PCDHA6: variants seen among roughly 807,000 people sequenced by gnomAD.
The protein encoded by PCDHA6 is protocadherin alpha 6, also known as protocadherin alpha-6.
A neutral mutation model predicts 60.3 loss-of-function variants in PCDHA6; 55 were observed. The ratio of observed to expected loss-of-function variants is 0.91; its 90% confidence interval spans 0.73 to 1.14. PCDHA6 has a LOEUF of 1.14. PCDHA6 is among the 50% of genes most tolerant of loss of function. PCDHA6 has a pLI of 0.00. For synonymous variants in PCDHA6, 652 were observed against 557.9 expected, an observed-to-expected ratio of 1.17 and a Z score of -2.38; for missense variants, 1,327 against 1,256.5, an observed-to-expected ratio of 1.06 and a Z score of -0.85.
At position 140,882,350 on chromosome 5, in the gene PCDHA6, A is replaced by G. The variant is rs782733540; in HGVS notation, c.2394+51865A>G. ...GATCCTCGCAGCCTGGGAGACGGGT[A>G]GTGGCCAGCTCCACTACTCCGTCCC... is the stretch of plus-strand genomic sequence containing the variant. On this transcript the variant is annotated intron_variant, in intron 1 of 3. Transcript: ENST00000529310. The G allele has an allele frequency of 1.9e-6, 3 of 1,614,176 alleles. No individual in the cohort carries two copies. In the Admixed American group the frequency reaches 5.0e-5, roughly 27 times the overall value.
intron 1 of PCDHA6, chr5:140,836,027 C>G: frequency 6.2e-7 from 1 of 1,613,456 alleles, no homozygotes; most frequent in Non-Finnish European, 8.5e-7. Context: ...TGGGCAGCAA[C>G]GTGACGCTGC....
chr5:140,869,192 A>T (rs782002128), intron 1 of PCDHA6: 2 of 1,613,882 alleles, frequency 1.2e-6, no homozygotes, highest in East Asian at 4.5e-5. Flanking sequence ...GGGAGCGGCC[A>T]GCTCCACTAC....
chr5:140,889,388 A>C (rs1554183883), intron 1 of PCDHA6, among the ~76,000 whole-genome samples: 1 of 152,070 alleles, frequency 6.6e-6, no homozygotes, highest in African/African-American at 2.4e-5. Context: ...AGGACCATTC[A>C]GAGTTTAATT....
intron 1 of PCDHA6, among the ~76,000 whole-genome samples, chr5:140,945,463 A>G (rs1554216960): frequency 6.6e-6 from 1 of 152,166 alleles, no homozygotes; most frequent in African/African-American, 2.4e-5. Flanking sequence ...TAAAATTTGC[A>G]TGGAACCACA....
Position 140,829,888 on chromosome 5 carries a change from C to T in PCDHA6, c.1797C>T (p.Ala599=), listed in dbSNP as rs150204488. The T allele has an allele frequency of 3.2e-4, 519 of 1,613,790 alleles. No individual in the cohort carries two copies. Among genetic ancestry groups the T allele is most frequent in the Non-Finnish European group, 4.2e-4 (500 of 1,179,892 alleles). ...TGGCGAAGGTGCGCGCAGTTGACGCCGACTCAGGCTACAACGCGTGGCTTT... is the reference window on the plus strand; with the variant it reads ...TGGCGAAGGTGCGCGCAGTTGACGCTGACTCAGGCTACAACGCGTGGCTTT... The part of the protein sequence containing the change: ...QVVAKVRAVD[A]DSGYNAWLSY... The change falls in exon 1 of 4, where the codon GCC becomes GCT. Residue 599 remains alanine (A), a synonymous_variant. Transcript: ENST00000529310.
At position 140,889,293 on chromosome 5, in the gene PCDHA6, T is replaced by C. The variant is rs1051889855; in HGVS notation, c.2394+58808T>C. 3.3e-5 allele frequency among the ~76,000 whole-genome samples: 5 copies of C among 152,196 alleles called. No individual in the cohort carries two copies. The South Asian group carries it at 6.2e-4, about 19-fold the overall frequency. The stretch of plus-strand genomic sequence containing the variant: ...ATCTTTGAATTACTTCTTATTTGAT[T>C]GGAGAACTCACTGTTGAAGTTATCT... On this transcript the variant is annotated intron_variant, in intron 1 of 3. Transcript: ENST00000529310.
intron 3 of PCDHA6, among the ~76,000 whole-genome samples, chr5:140,984,683 T>A (rs1481664684): frequency 6.6e-6 from 1 of 152,200 alleles, no homozygotes; most frequent in East Asian, 1.9e-4. Flanking sequence ...GGACTCAATA[T>A]ATGTTCTGCA....
chr5:140,882,204 G>T, intron 1 of PCDHA6: 1 of 1,530,664 alleles, frequency 6.5e-7, no homozygotes. Flanking sequence ...ATTGGGCCTT[G>T]AGAGACAGTT....
intron 1 of PCDHA6, among the ~76,000 whole-genome samples, chr5:140,945,772 T>A (rs538344111): frequency 1.2e-4 from 18 of 152,228 alleles, no homozygotes; most frequent in African/African-American, 4.1e-4. Context: ...GACAATTTGA[T>A]ATCCAGATGC....
rs191667063 is a variant in PCDHA6 at position 140,957,933 on chromosome 5, T to G, written c.2395-21016T>G. Among the ~76,000 whole-genome samples the G allele has an allele frequency of 2.8e-3, 419 of 152,208 alleles. 2 individuals carry two copies. The highest frequency in any genetic ancestry group is 0.014 in the Middle Eastern group (4 of 294). ...GTTATCTATGTATCAAGCTAAATAA[T>G]TTAAAGATCTTTAAGACTATTAATT... is the stretch of plus-strand genomic sequence containing the variant. On this transcript the variant is annotated intron_variant, in intron 1 of 3. Transcript: ENST00000529310.
chr5:140,846,361 T>TTTTC lies in PCDHA6; in HGVS notation c.2394+15888_2394+15891dup, dbSNP rs1362162129. ...AAAGTGCTTTCTCTTTTTTCTTTTC[T>TTTTC]TTTCTTTCTTTCTTTTTTTTTTTTT... is the stretch of plus-strand genomic sequence containing the variant. On this transcript the variant is annotated intron_variant, in intron 1 of 3. Coordinates refer to ENST00000529310, the MANE Select transcript of PCDHA6 (RefSeq NM_018909.4). 1.5e-5 allele frequency among the ~76,000 whole-genome samples: 2 copies of TTTTC among 133,632 alleles called. 1 individual carries two copies. Among genetic ancestry groups the TTTTC allele is most frequent in the Non-Finnish European group, 3.2e-5 (2 of 63,348 alleles). 87.7% of individuals were successfully genotyped at this position (133,632 alleles called of 152,430 possible). A position where few individuals can be genotyped will look rare whatever the true frequency, so the allele number is the denominator to read the frequency against.
chr5:140,861,872 G>T (rs1554155357), intron 1 of PCDHA6: 1 of 155,960 alleles, frequency 6.4e-6, no homozygotes, highest in Non-Finnish European at 1.4e-5. Context: ...TGATGGGGGC[G>T]AAGCTGAGCT....
rs144585858 is a variant in PCDHA6 at position 140,984,129 on chromosome 5, G to A, written c.2542+1566G>A. On this transcript the variant is annotated intron_variant, in intron 3 of 3. Transcript: ENST00000529310. The stretch of plus-strand genomic sequence containing the variant: ...GGTTTTAGACTGCCAAGTGTTGCAG[G>A]ATGTGGAGGCATCTGGGAAGGTGAG... 1.3e-3 allele frequency among the ~76,000 whole-genome samples: 205 copies of A among 152,236 alleles called. 1 individual carries two copies. Among genetic ancestry groups the A allele is most frequent in the Non-Finnish European group, 2.6e-3 (175 of 68,046 alleles).
intron 1 of PCDHA6, among the ~76,000 whole-genome samples, chr5:140,951,019 G>A (rs555662052): frequency 2.0e-5 from 3 of 152,114 alleles, no homozygotes; most frequent in African/African-American, 7.2e-5. Context: ...ATCAGGCAGT[G>A]AGTTTTAATT....
At chr5:140,868,826 G>A in intron 1 of PCDHA6, 1 of 406,060 alleles carries the variant, frequency 2.5e-6, no homozygotes, top group Non-Finnish European at 4.3e-6. Flanking sequence ...TTTGGGGGAA[G>A]AAACCCAAAA....
intron 1 of PCDHA6, chr5:140,841,679 G>C: frequency 6.2e-7 from 1 of 1,613,984 alleles, no homozygotes. Context: ...TTTCCATGTG[G>C]ACGTGGAGGT....
intron 1 of PCDHA6, chr5:140,834,596 T>A: frequency 6.2e-7 from 1 of 1,613,722 alleles, no homozygotes; most frequent in South Asian, 1.1e-5. Context: ...GCAAATTCCG[T>A]GGGGATCTTC....
intron 1 of PCDHA6, among the ~76,000 whole-genome samples, chr5:140,891,310 G>A (rs1361380938): frequency 6.6e-6 from 1 of 152,030 alleles, no homozygotes; most frequent in Non-Finnish European, 1.5e-5. Flanking sequence ...GATTACATGA[G>A]TAAGTTCTTT....
chr5:140,992,465 C>G (rs1554252929), intron 3 of PCDHA6, among the ~76,000 whole-genome samples: 2 of 152,162 alleles, frequency 1.3e-5, no homozygotes. Flanking sequence ...GGACAGTACT[C>G]TTTAGATCAC....
Sources: allele counts gnomAD v4.1 joint callset (sites outside exome capture counted in the v4.1 genomes callset), GRCh38; gene constraint gnomAD v4.1.1; transcripts MANE v1.5; gene names NCBI Gene and HGNC (gene_info 2026-07-23, HGNC 2026-07-21).